CHST15: variants seen among roughly 807,000 people sequenced by gnomAD.
CHST15 encodes the protein B cell RAG associated protein (GALNAC4S-6ST).
In CHST15, 30 loss-of-function variants were observed where a neutral mutation model predicts 53.6. The observed-to-expected ratio is 0.56, with a 90% CI of 0.42 to 0.76. The LOEUF (loss-of-function observed/expected upper bound fraction) is 0.76. CHST15 is among the 30% of genes least tolerant of loss of function. The probability of loss-of-function intolerance (pLI) is 0.00; values close to 1 mark genes in which losing one functional copy is unlikely to be tolerated. For missense variants in CHST15, 627 were observed against 740.5 expected (o/e 0.85, Z 1.78); for synonymous variants, 296 against 289.8 (o/e 1.02, Z -0.22).
intron 7 of CHST15, chr10:124,011,714 G>A: frequency 1.0e-6 from 1 of 985,400 alleles, no homozygotes; most frequent in Non-Finnish European, 1.2e-6. Flanking sequence ...CCCCTGGGGG[G>A]GCTGGTATCC....
In CHST15 at chr10:124,019,357, G is replaced by C. The variant is rs1946692401; in HGVS notation, c.1347+1899C>G. On this transcript the variant is annotated intron_variant, in intron 6 of 7. Transcript: ENST00000435907. The surrounding 1 kb of genome is among the most constrained non-coding windows in gnomAD (Gnocchi z 4.6). ...CTGCTCTCTCAGACTCACTCCGTAG[G>C]GGTCCAGGGCCAAGAGTCACAGCTG... 6.6e-6 allele frequency among the ~76,000 whole-genome samples: 1 copy of C among 152,136 alleles called. No individual in the cohort carries two copies. The highest frequency in any genetic ancestry group is 2.4e-5 in the African/African-American group (1 of 41,428).
At chr10:124,023,760 C>T (rs1946881340) in intron 5 of CHST15, among the ~76,000 whole-genome samples, 1 of 152,106 alleles carries the variant, frequency 6.6e-6, no homozygotes, top group African/African-American at 2.4e-5. Flanking sequence ...TCCAACCTGG[C>T]TTCCCCTCTT....
intron 1 of CHST15, among the ~76,000 whole-genome samples, chr10:124,064,461 T>C (rs1206301222): frequency 2.6e-5 from 4 of 152,130 alleles, no homozygotes; most frequent in South Asian, 2.1e-4. Flanking sequence ...TGGGAGTCCA[T>C]GGGGATTCAG....
intron 1 of CHST15, among the ~76,000 whole-genome samples, chr10:124,091,869 C>A (rs1476663649): frequency 6.6e-6 from 1 of 152,230 alleles, no homozygotes; most frequent in African/African-American, 2.4e-5. Context: ...CCAGCCCCAG[C>A]CTTCCTCCTC....
chr10:124,092,734 T>C (rs2134285110), intron 1 of CHST15, among the ~76,000 whole-genome samples: 1 of 152,164 alleles, frequency 6.6e-6, no homozygotes, highest in Admixed American at 6.5e-5. Flanking sequence ...GCCTGGAAAC[T>C]TCCCCAAAGT....
intron 5 of CHST15, among the ~76,000 whole-genome samples, chr10:124,038,078 G>A (rs1342790111): frequency 6.6e-6 from 1 of 151,772 alleles, no homozygotes; most frequent in African/African-American, 2.4e-5. Context: ...AACGTTGCAA[G>A]TTCCGTTTAT....
At chr10:124,059,729 G>A (rs1290163893) in intron 1 of CHST15, among the ~76,000 whole-genome samples, 1 of 152,208 alleles carries the variant, frequency 6.6e-6, no homozygotes, top group Non-Finnish European at 1.5e-5. Context: ...GACTGAAAGG[G>A]GAGCAGCTGC....
chr10:124,025,839 C>T (rs181833376), intron 5 of CHST15, among the ~76,000 whole-genome samples: 306 of 152,244 alleles, frequency 2.0e-3, no homozygotes, highest in African/African-American at 7.0e-3. Context: ...AGCCAAGGAA[C>T]GCCAAGGACT....
At chr10:124,015,282 T>G in intron 6 of CHST15, among the ~76,000 whole-genome samples, 1 of 152,084 alleles carries the variant, frequency 6.6e-6, no homozygotes, top group East Asian at 1.9e-4. Context: ...AAAAAGCGTA[T>G]TTAGGGCAAG....
At chr10:124,056,901 G>C (rs758238487) in intron 1 of CHST15, among the ~76,000 whole-genome samples, 1 of 150,480 alleles carries the variant, frequency 6.6e-6, no homozygotes, top group Non-Finnish European at 1.5e-5. Context: ...CTGTACGACC[G>C]GACACATTGC....
chr10:124,042,432 C>G lies in CHST15; in HGVS notation c.902G>C (p.Arg301Thr). The change falls in exon 4 of 8, where the codon AGA becomes ACA. Residue 301 changes from arginine to threonine, a missense_variant. Arg to Thr is a moderately conservative substitution (Grantham distance 71). Around this residue, in one of 3 missense-constraint regions of CHST15, gnomAD observed 279 missense variants for 371.6 expected, o/e 0.75. Transcript: ENST00000435907. ...GGGATAGCGGTCTCGCAGCCCATCTCTTAGGCGGACGATTCCTATGAGAAC... is the reference window on the plus strand; with the variant it reads ...GGGATAGCGGTCTCGCAGCCCATCTGTTAGGCGGACGATTCCTATGAGAAC... ...TRKRFGIVRL[R>T]DGLRDRYPVE... 1 of 1,614,156 alleles carries G rather than the reference C, an allele frequency of 6.2e-7. No homozygotes were observed. Among genetic ancestry groups the G allele is most frequent in the Non-Finnish European group, 8.5e-7 (1 of 1,179,976 alleles).
intron 5 of CHST15, among the ~76,000 whole-genome samples, chr10:124,021,787 T>C (rs1301590168): frequency 6.6e-6 from 1 of 152,188 alleles, no homozygotes; most frequent in East Asian, 1.9e-4. Flanking sequence ...TTATGCACCT[T>C]CTCATTCCTC....
chr10:124,091,043 G>A (rs897412737), intron 1 of CHST15, among the ~76,000 whole-genome samples: 3 of 152,212 alleles, frequency 2.0e-5, no homozygotes, highest in African/African-American at 7.2e-5. Flanking sequence ...TGTGCCCACA[G>A]GAAGGCCATA....
Position 124,028,762 on chromosome 10 carries a change from G to A in CHST15, c.1191-7350C>T, listed in dbSNP as rs953932060. ...ACATGTCCTCCAGTTACTGCTCCAC[G>A]TATGGGACTTCTCAGAGGGCCACCT... On this transcript the variant is annotated intron_variant, in intron 5 of 7. Coordinates refer to ENST00000435907, the MANE Select transcript of CHST15 (RefSeq NM_001270764.2). Among the ~76,000 whole-genome samples the A allele has an allele frequency of 3.3e-5, 5 of 152,208 alleles. No homozygotes were observed. In the East Asian group the frequency reaches 5.8e-4, roughly 18 times the overall value.
chr10:124,020,454 A>C lies in CHST15; in HGVS notation c.1347+802T>G, dbSNP rs188967307. On this transcript the variant is annotated intron_variant, in intron 6 of 7. Coordinates refer to ENST00000435907, the MANE Select transcript of CHST15 (RefSeq NM_001270764.2). ...CTGGAATCCCACCTGCTGCCCCTGC[A>C]TGCTGCCTCCCAGATCCCACGGCCT... is the stretch of plus-strand genomic sequence containing the variant. 4.1e-6 allele frequency: 4 copies of C among 985,516 alleles called. No individual in the cohort carries two copies. The African/African-American group carries it at 7.0e-5, about 17-fold the overall frequency. 61.0% of individuals were successfully genotyped at this position (985,516 alleles called of 1,614,324 possible).
At chr10:124,044,150 G>GA (rs370049534) in intron 3 of CHST15, among the ~76,000 whole-genome samples, 17 of 150,582 alleles carry the variant, frequency 1.1e-4, no homozygotes, top group African/African-American at 3.2e-4. Context: ...GCACAGAGCA[G>GA]GAAACGGCAC....
chr10:124,027,508 G>A (rs1947057877), intron 5 of CHST15, among the ~76,000 whole-genome samples: 1 of 152,216 alleles, frequency 6.6e-6, no homozygotes, highest in Non-Finnish European at 1.5e-5. Flanking sequence ...GCGAGCAGAG[G>A]TTGGTGAGTT....
chr10:124,088,149 A>G (rs1423403241), intron 1 of CHST15, among the ~76,000 whole-genome samples: 1 of 152,220 alleles, frequency 6.6e-6, no homozygotes, highest in Non-Finnish European at 1.5e-5. Flanking sequence ...TGTGCCAAGC[A>G]CTGGCAGGTA....
At chr10:124,028,929 A>G (rs1460228577) in intron 5 of CHST15, among the ~76,000 whole-genome samples, 2 of 151,554 alleles carry the variant, frequency 1.3e-5, no homozygotes, top group Non-Finnish European at 2.9e-5. Context: ...TGGCTCCTCA[A>G]TGACAGTTAC....
Sources: allele counts gnomAD v4.1 joint callset (sites outside exome capture counted in the v4.1 genomes callset), GRCh38; gene constraint gnomAD v4.1.1; regional missense constraint gnomAD v4.1.1; non-coding constraint Gnocchi (gnomAD v3.1); transcripts MANE v1.5; gene names NCBI Gene and HGNC (gene_info 2026-07-23, HGNC 2026-07-21).